TAF2: variants seen among roughly 807,000 people sequenced by gnomAD.
TAF2 encodes TATA-box binding protein associated factor 2.
A neutral mutation model predicts 138.5 loss-of-function variants in TAF2; 61 were observed. That is an observed-to-expected ratio of 0.44 (90% confidence interval 0.36 to 0.54). TAF2 has a LOEUF of 0.54. Among genes scored for constraint, TAF2 ranks in the 20% least tolerant of loss-of-function variants. The pLI is 0.00. For missense variants in TAF2, 1,090 were observed against 1,427.9 expected, an observed-to-expected ratio of 0.76 and a Z score of 3.81; for synonymous variants, 475 against 469.9, an observed-to-expected ratio of 1.01 and a Z score of -0.14.
At position 119,785,221 on chromosome 8, in the gene TAF2, A is replaced by G. The variant is rs1133411; in HGVS notation, c.1839T>C (p.Asp613=). 6.2e-7 allele frequency: 1 copy of G among 1,612,892 alleles called. No individual in the cohort carries two copies. Among genetic ancestry groups the G allele is most frequent in the Non-Finnish European group, 8.5e-7 (1 of 1,179,152 alleles). ...CTTACTCCATTGCAGAAAGATCCAT[A>G]TCAACTTCTTCTCCATTCATCAGTG... is the stretch of plus-strand genomic sequence containing the variant. ...KIPLMNGEEV[D]MDLSAMDADS... is the part of the protein sequence containing the mutation. Residue 613 remains aspartate, a synonymous_variant, in exon 15 of 26, where the codon GAT becomes GAC. Transcript: ENST00000378164.
intron 3 of TAF2, among the ~76,000 whole-genome samples, chr8:119,809,709 CAG>C (rs1324244319): frequency 1.3e-5 from 2 of 152,090 alleles, no homozygotes; most frequent in African/African-American, 4.8e-5. Context: ...AGGAAGGGGA[CAG>C]AGACAGGGAA....
intron 18 of TAF2, among the ~76,000 whole-genome samples, chr8:119,763,557 C>A (rs1239769689): frequency 6.6e-6 from 1 of 151,876 alleles, no homozygotes; most frequent in Non-Finnish European, 1.5e-5. Flanking sequence ...TGGTGAAACC[C>A]CATCTCTACT....
chr8:119,807,230 G>C (rs983975691), intron 3 of TAF2, among the ~76,000 whole-genome samples: 1 of 152,128 alleles, frequency 6.6e-6, no homozygotes, highest in African/African-American at 2.4e-5. Flanking sequence ...CAGGCTCACC[G>C]TTATATTCAC....
At chr8:119,788,587 G>A in intron 13 of TAF2, 140 bp from the exon 14 acceptor site, 1 of 567,450 alleles carries the variant, frequency 1.8e-6, no homozygotes, top group South Asian at 1.7e-5. Flanking sequence ...GGCAATTGGT[G>A]CCAAAGAGGG....
intron 20 of TAF2, 190 bp downstream of exon 20, chr8:119,760,409 T>C: frequency 3.2e-6 from 2 of 634,250 alleles, no homozygotes; most frequent in East Asian, 3.0e-5. Flanking sequence ...TATAATTTTA[T>C]TCCTTTCCCT....
intron 3 of TAF2, among the ~76,000 whole-genome samples, chr8:119,813,758 T>C (rs1309918312): frequency 6.6e-6 from 1 of 152,166 alleles, no homozygotes; most frequent in Non-Finnish European, 1.5e-5. Context: ...TAAGGCAAAA[T>C]GAACTGTAGC....
chr8:119,805,567 G>A (rs1180635511), intron 4 of TAF2, among the ~76,000 whole-genome samples: 8 of 151,894 alleles, frequency 5.3e-5, no homozygotes, highest in African/African-American at 1.2e-4. Flanking sequence ...TCAGCCAGGC[G>A]TGGTGGCAGG....
intron 18 of TAF2, among the ~76,000 whole-genome samples, chr8:119,774,106 G>C (rs1317582657): frequency 2.0e-5 from 3 of 151,790 alleles, no homozygotes; most frequent in Non-Finnish European, 4.4e-5. Flanking sequence ...GGCAGGCGGA[G>C]CTTGCAGTGA....
At chr8:119,790,182 T>C (rs868187190) in intron 11 of TAF2, among the ~76,000 whole-genome samples, 1 of 152,150 alleles carries the variant, frequency 6.6e-6, no homozygotes, top group Admixed American at 6.6e-5. Flanking sequence ...ATGCCTGTAA[T>C]CCTAGCACTT....
At chr8:119,813,101 G>GA (rs1554660564) in intron 3 of TAF2, among the ~76,000 whole-genome samples, 1 of 151,772 alleles carries the variant, frequency 6.6e-6, no homozygotes, top group African/African-American at 2.4e-5. Flanking sequence ...GCCAACATCT[G>GA]TTTTTTTTGT....
intron 3 of TAF2, among the ~76,000 whole-genome samples, 194 bp downstream of exon 3, chr8:119,819,152 A>G (rs779542538): frequency 1.6e-4 from 24 of 152,200 alleles, no homozygotes; most frequent in Middle Eastern, 3.2e-3. Flanking sequence ...AAGAAGGGAA[A>G]CTTAGTAACT....
intron 18 of TAF2, among the ~76,000 whole-genome samples, chr8:119,771,703 T>G (rs1241703102): frequency 1.3e-5 from 2 of 152,048 alleles, no homozygotes; most frequent in African/African-American, 4.8e-5. Context: ...AAACAACACC[T>G]ACACCTAAGA....
At chr8:119,763,729 CA>C (rs1274540903) in intron 18 of TAF2, among the ~76,000 whole-genome samples, 8 of 151,872 alleles carry the variant, frequency 5.3e-5, no homozygotes, top group African/African-American at 1.9e-4. Context: ...GACTCCGTCT[CA>C]AGTGAGCCGA....
chr8:119,751,270 C>G (rs1295842853), intron 22 of TAF2, among the ~76,000 whole-genome samples: 1 of 152,110 alleles, frequency 6.6e-6, no homozygotes, highest in Non-Finnish European at 1.5e-5. Flanking sequence ...ACACCGCTAA[C>G]AAAAGTCAGC....
intron 25 of TAF2, among the ~76,000 whole-genome samples, chr8:119,735,150 C>T (rs931948575): frequency 1.3e-5 from 2 of 152,148 alleles, no homozygotes; most frequent in African/African-American, 2.4e-5. Context: ...CAGTGTTCAT[C>T]TACCCCAAGA....
intron 21 of TAF2, among the ~76,000 whole-genome samples, chr8:119,757,093 T>C (rs1409599561): frequency 1.3e-5 from 2 of 152,116 alleles, no homozygotes; most frequent in African/African-American, 4.8e-5. Flanking sequence ...TAAATTGGAT[T>C]TGTAATTGAG....
In TAF2 at chr8:119,832,569, C is replaced by T. The variant is rs995371926; in HGVS notation, c.-5G>A. On this transcript the variant is annotated 5_prime_UTR_variant, in exon 1 of 26. Coordinates refer to ENST00000378164, the MANE Select transcript of TAF2 (RefSeq NM_003184.4). Reference sequence around the variant, plus strand: ...CTCTACACCAGTCAGCGGCATGAAGCGGTCCCGCGGAGCTTGGCTTCCCGG... The same window carrying T: ...CTCTACACCAGTCAGCGGCATGAAGTGGTCCCGCGGAGCTTGGCTTCCCGG... 7 of 1,612,316 alleles carry T rather than the reference C, an allele frequency of 4.3e-6. No homozygotes were observed. The highest frequency in any genetic ancestry group is 3.3e-5 in the Admixed American group (2 of 59,956).
chr8:119,827,172 C>T (rs192771539), intron 2 of TAF2, among the ~76,000 whole-genome samples: 6 of 152,168 alleles, frequency 3.9e-5, no homozygotes, highest in Admixed American at 3.3e-4. Flanking sequence ...CCAGCCTAGG[C>T]GACAGTGAGA....
At position 119,832,646 on chromosome 8, in the gene TAF2, A is replaced by C; in HGVS notation, c.-82T>G. The stretch of plus-strand genomic sequence containing the variant: ...TAGTCTTTGGCACCTCACACTCTCC[A>C]CTCCCCTGCGGTCCCCAAGTCACGT... On this transcript the variant is annotated 5_prime_UTR_variant, in exon 1 of 26. Transcript: ENST00000378164. 2 of 1,357,372 alleles carry C rather than the reference A, an allele frequency of 1.5e-6. No homozygotes were observed. The highest frequency in any genetic ancestry group is 2.0e-6 in the Non-Finnish European group (2 of 977,060). 84.1% of individuals were successfully genotyped at this position (1,357,372 alleles called of 1,614,324 possible). A position where few individuals can be genotyped will look rare whatever the true frequency, so the allele number is the denominator to read the frequency against.
Sources: allele counts gnomAD v4.1 joint callset (sites outside exome capture counted in the v4.1 genomes callset), GRCh38; gene constraint gnomAD v4.1.1; transcripts MANE v1.5; gene names NCBI Gene and HGNC (gene_info 2026-07-23, HGNC 2026-07-21).